Variants in SMIM9 observed in about 807,000 individuals in gnomAD.
SMIM9 encodes the protein chromosome X open reading frame 68.
A neutral mutation model predicts 7.2 loss-of-function variants in SMIM9; 8 were observed. The observed-to-expected ratio is 1.10, with a 90% CI of 0.65 to 1.99. SMIM9 has a LOEUF of 1.99. Ranked by LOEUF, SMIM9 falls within the 30% of genes most tolerant of loss-of-function variation. The pLI, the probability that SMIM9 is intolerant of heterozygous loss-of-function variation, is 0.00. For missense variants in SMIM9, 76 were observed against 69.3 expected, an observed-to-expected ratio of 1.10 and a Z score of -0.34; for synonymous variants, 19 against 26.4, an observed-to-expected ratio of 0.72 and a Z score of 0.86.
chrX:154,834,453 T>A (rs1264949038), intron 1 of SMIM9, 110 bp downstream of exon 1: 1 of 112,634 alleles, frequency 8.9e-6, no homozygotes, highest in Non-Finnish European at 1.9e-5. Context: ...GAGCATTGTA[T>A]GCCTGTCTGA....
At position 154,830,775 on chromosome X, in the gene SMIM9, G is replaced by C. The variant is rs1569559168; in HGVS notation, c.82C>G (p.Pro28Ala). The C allele has an allele frequency of 8.6e-7, 1 of 1,167,780 alleles. No homozygotes were observed. The highest frequency in any genetic ancestry group is 1.1e-6 in the Non-Finnish European group (1 of 872,904). The change falls in exon 3 of 5, where the codon CCT (proline) becomes GCT (alanine). Residue 28 changes from proline (P) to alanine (A), a missense_variant. Coordinates refer to ENST00000369529, the MANE Select transcript of SMIM9 (RefSeq NM_001162936.4). ...CLLLETVASS[P>A]LPLSALGIQE... ...ATTCCCAAGGCAGACAAAGGCAAAGGAGAGGAAGCTACTGTCTCCAACAAG... is the reference window on the plus strand; with the variant it reads ...ATTCCCAAGGCAGACAAAGGCAAAGCAGAGGAAGCTACTGTCTCCAACAAG...
chrX:154,826,366 ATCT>A (rs1299213905), intron 4 of SMIM9, among the ~76,000 whole-genome samples: 1 of 109,377 alleles, frequency 9.1e-6, no homozygotes, highest in African/African-American at 3.3e-5. Flanking sequence ...ACTAATTTTC[ATCT>A]TCTTCTTTTG....
At position 154,823,783 on chromosome X, in the gene SMIM9, C is replaced by T. The variant is rs868933499; in HGVS notation, c.273-1G>A. ...GTGGACTGGATCAACTACAAGAATG[C>T]TGGGAAAGGAAGATAAAATGGTGAA... is the stretch of plus-strand genomic sequence containing the variant. On this transcript the variant is annotated splice_acceptor_variant, in intron 4 of 4. Coordinates refer to ENST00000369529, the MANE Select transcript of SMIM9 (RefSeq NM_001162936.4). LOFTEE classifies it high-confidence loss of function. 74 of 1,160,079 alleles carry T rather than the reference C, an allele frequency of 6.4e-5. No homozygotes were observed. The African/African-American group carries it at 1.3e-3, about 20-fold the overall frequency.
At chrX:154,829,845 G>A in intron 3 of SMIM9, among the ~76,000 whole-genome samples, 181 bp from the exon 4 acceptor site, 1 of 112,614 alleles carries the variant, frequency 8.9e-6, no homozygotes, top group East Asian at 2.8e-4. Flanking sequence ...CAAACATTTT[G>A]TTTTTAAAGT....
Position 154,830,706 on chromosome X carries a change from C to G in SMIM9, c.142+9G>C. The G allele has an allele frequency of 1.7e-6, 2 of 1,165,523 alleles. No individual in the cohort carries two copies. Among genetic ancestry groups the G allele is most frequent in the East Asian group, 3.3e-5 (1 of 30,733 alleles). On this transcript the variant is annotated intron_variant, in intron 3 of 4. Coordinates refer to ENST00000369529, the MANE Select transcript of SMIM9 (RefSeq NM_001162936.4). ...AAGAAAGAAACATTCATCCTAACAG[C>G]AAACACACCCCCTGAGCGTGGTTTC...
chrX:154,824,396 G>T (rs1557270118), intron 4 of SMIM9, among the ~76,000 whole-genome samples: 2 of 96,024 alleles, frequency 2.1e-5, no homozygotes, highest in Non-Finnish European at 4.3e-5. Flanking sequence ...AAAAAAGAAA[G>T]ATCAGAAAGT....
Sources: allele counts gnomAD v4.1 joint callset (sites outside exome capture counted in the v4.1 genomes callset), GRCh38; gene constraint gnomAD v4.1.1; transcripts MANE v1.5; gene names NCBI Gene and HGNC (gene_info 2026-07-23, HGNC 2026-07-21).